Variants in ETV6 observed in about 807,000 individuals in gnomAD.
ETV6 encodes ETS variant transcription factor 6, also known as transcription factor ETV6.
In ETV6, 16 loss-of-function variants were observed where a neutral mutation model predicts 51.1. The ratio of observed to expected loss-of-function variants is 0.31; its 90% confidence interval spans 0.21 to 0.48. The LOEUF is 0.48. Among genes scored for constraint, ETV6 ranks in the 20% least tolerant of loss-of-function variants. The probability of loss-of-function intolerance (pLI) is 0.99; values close to 1 mark genes in which losing one functional copy is unlikely to be tolerated. For synonymous variants in ETV6, 240 were observed against 224.1 expected (o/e 1.07, Z -0.64); for missense variants, 458 against 594.8 (o/e 0.77, Z 2.39).
At chr12:11,862,948 G>C (rs1348577614) in intron 4 of ETV6, among the ~76,000 whole-genome samples, 6 of 152,192 alleles carry the variant, frequency 3.9e-5, no homozygotes, top group Non-Finnish European at 7.3e-5. Flanking sequence ...CAAAATGACT[G>C]GGAGAGGGAG....
At chr12:11,883,476 G>A (rs1947138032) in intron 5 of ETV6, among the ~76,000 whole-genome samples, 1 of 151,494 alleles carries the variant, frequency 6.6e-6, no homozygotes, top group South Asian at 2.1e-4. Context: ...TGTATTTTTA[G>A]TAGAGACGGG....
At chr12:11,802,215 A>G (rs1204743038) in intron 2 of ETV6, among the ~76,000 whole-genome samples, 1 of 152,194 alleles carries the variant, frequency 6.6e-6, no homozygotes, top group African/African-American at 2.4e-5. Context: ...AGGGCAAGAA[A>G]GTCCAAGCGT....
intron 1 of ETV6, among the ~76,000 whole-genome samples, chr12:11,713,107 C>T (rs2120890427): frequency 6.6e-6 from 1 of 152,228 alleles, no homozygotes; most frequent in East Asian, 1.9e-4. Flanking sequence ...GAGAACAGAT[C>T]CTGATGCCAG....
At chr12:11,749,497 T>C (rs1405413966) in intron 1 of ETV6, among the ~76,000 whole-genome samples, 2 of 152,208 alleles carry the variant, frequency 1.3e-5, no homozygotes, top group Non-Finnish European at 2.9e-5. Context: ...AGAGGTTCCC[T>C]TTATTTGGGA....
At chr12:11,861,709 G>A (rs184233189) in intron 4 of ETV6, among the ~76,000 whole-genome samples, 1 of 152,254 alleles carries the variant, frequency 6.6e-6, no homozygotes, top group Non-Finnish European at 1.5e-5. Context: ...GAGATAAGGG[G>A]CTGGGAGCAG....
chr12:11,720,852 A>G (rs906433880), intron 1 of ETV6, among the ~76,000 whole-genome samples: 4 of 152,230 alleles, frequency 2.6e-5, no homozygotes, highest in Admixed American at 6.5e-5. Flanking sequence ...TCCAGAATCT[A>G]TAAGGAACTT....
intron 4 of ETV6, among the ~76,000 whole-genome samples, chr12:11,858,794 T>C (rs1464536009): frequency 6.6e-6 from 1 of 151,684 alleles, no homozygotes; most frequent in African/African-American, 2.4e-5. Flanking sequence ...CTGGGACAGC[T>C]CTTTATCACA....
intron 3 of ETV6, among the ~76,000 whole-genome samples, chr12:11,852,567 A>G (rs1489565185): frequency 6.6e-6 from 1 of 152,228 alleles, no homozygotes. Context: ...TCATTGGAGC[A>G]TTACAAATGT....
At chr12:11,854,211 G>A (rs1308030887) in intron 4 of ETV6, among the ~76,000 whole-genome samples, 1 of 151,936 alleles carries the variant, frequency 6.6e-6, no homozygotes, top group African/African-American at 2.4e-5. Context: ...GATAGCGTTT[G>A]TGCTTCTATG....
chr12:11,889,768 A>G (rs532484304), intron 7 of ETV6, among the ~76,000 whole-genome samples: 3 of 152,372 alleles, frequency 2.0e-5, no homozygotes, highest in Non-Finnish European at 2.9e-5. Flanking sequence ...TGAGCAGAGC[A>G]AAGGATGCAC....
At chr12:11,842,307 C>CT (rs1301644507) in intron 3 of ETV6, among the ~76,000 whole-genome samples, 1 of 152,074 alleles carries the variant, frequency 6.6e-6, no homozygotes, top group Non-Finnish European at 1.5e-5. Flanking sequence ...TTCCATTCCA[C>CT]TTTCCTTTCT....
chr12:11,724,154 G>A (rs1368332726), intron 1 of ETV6, among the ~76,000 whole-genome samples: 3 of 152,162 alleles, frequency 2.0e-5, no homozygotes, highest in Admixed American at 2.0e-4. Context: ...TCGTAAGCAG[G>A]TCAGCTGCCT....
chr12:11,833,671 A>G (rs1302058688), intron 2 of ETV6, among the ~76,000 whole-genome samples: 3 of 152,192 alleles, frequency 2.0e-5, no homozygotes, highest in South Asian at 2.1e-4. Context: ...ATAAATGGGG[A>G]TCATTCCTGT....
chr12:11,679,249 C>T (rs185469481), intron 1 of ETV6, among the ~76,000 whole-genome samples: 14 of 152,140 alleles, frequency 9.2e-5, no homozygotes, highest in African/African-American at 3.1e-4. Flanking sequence ...TTTACCCACC[C>T]CTTTGACTCT....
chr12:11,665,013 A>G (rs1864169245), intron 1 of ETV6, among the ~76,000 whole-genome samples: 1 of 152,124 alleles, frequency 6.6e-6, no homozygotes, highest in South Asian at 2.1e-4. Flanking sequence ...TGTTCCAACC[A>G]CATAATGAAC....
In ETV6 at chr12:11,762,921, C is replaced by T. The variant is rs1489490044; in HGVS notation, c.163+10342C>T. ...ACATCAGGAACTCTTTGTAGAGAAA[C>T]AAATATGAGTAAGTGATTTGGTGCC... On this transcript the variant is annotated intron_variant, in intron 2 of 7. Coordinates refer to ENST00000396373, the MANE Select transcript of ETV6 (RefSeq NM_001987.5). 8.5e-5 allele frequency among the ~76,000 whole-genome samples: 13 copies of T among 152,134 alleles called. No individual in the cohort carries two copies. In the South Asian group the frequency reaches 1.2e-3, roughly 15 times the overall value.
chr12:11,877,293 G>A (rs1404134762), intron 5 of ETV6, among the ~76,000 whole-genome samples: 1 of 150,656 alleles, frequency 6.6e-6, no homozygotes, highest in African/African-American at 2.5e-5. Context: ...TTCAAAGGAA[G>A]CCTATAGACT....
chr12:11,761,258 A>T (rs1168743056), intron 2 of ETV6, among the ~76,000 whole-genome samples: 1 of 152,190 alleles, frequency 6.6e-6, no homozygotes, highest in Non-Finnish European at 1.5e-5. Flanking sequence ...AATTACTGAC[A>T]AGAGGGCCCA....
intron 2 of ETV6, among the ~76,000 whole-genome samples, chr12:11,784,593 C>T (rs1227208770): frequency 1.3e-5 from 2 of 152,056 alleles, no homozygotes; most frequent in African/African-American, 2.4e-5. Context: ...TTAAAAGGAA[C>T]GCGAGGAAGC....
Sources: gnomAD v4.1 joint callset for allele counts (sites outside exome capture counted in the v4.1 genomes callset) on GRCh38, gnomAD v4.1.1 for gene constraint, MANE v1.5 for transcripts, NCBI Gene and HGNC (gene_info 2026-07-23, HGNC 2026-07-21) for gene names.